SUPT3H: variants seen among roughly 807,000 people sequenced by gnomAD.
SUPT3H encodes transcription initiation protein SPT3 homolog.
A neutral mutation model predicts 44.3 loss-of-function variants in SUPT3H; 44 were observed. The ratio of observed to expected loss-of-function variants is 0.99; its 90% CI spans 0.78 to 1.28. SUPT3H has a LOEUF of 1.28. SUPT3H is among the 50% of genes most tolerant of loss of function. The pLI, the probability that SUPT3H is intolerant of heterozygous loss-of-function variation, is 0.00. For missense variants in SUPT3H, 380 were observed against 387.1 expected, an observed-to-expected ratio of 0.98 and a Z score of 0.15; for synonymous variants, 124 against 125.6, an observed-to-expected ratio of 0.99 and a Z score of 0.09.
chr6:45,082,964 C>T (rs1796004771), intron 3 of SUPT3H, among the ~76,000 whole-genome samples: 1 of 152,002 alleles, frequency 6.6e-6, no homozygotes, highest in South Asian at 2.1e-4. Context: ...ATCAGTAGCA[C>T]TTCCATACAT....
At chr6:45,135,914 G>T (rs1410558434) in intron 2 of SUPT3H, among the ~76,000 whole-genome samples, 1 of 152,050 alleles carries the variant, frequency 6.6e-6, no homozygotes, top group Non-Finnish European at 1.5e-5. Context: ...ATCCATATGG[G>T]GATCAATGTG....
intron 2 of SUPT3H, among the ~76,000 whole-genome samples, chr6:45,198,865 T>A (rs958475497): frequency 6.6e-6 from 1 of 151,348 alleles, no homozygotes; most frequent in Non-Finnish European, 1.5e-5. Context: ...TATCTGTTAT[T>A]TTAAGCTTTG....
chr6:44,928,805 C>T (rs1248132848), intron 10 of SUPT3H, among the ~76,000 whole-genome samples: 1 of 138,666 alleles, frequency 7.2e-6, no homozygotes, highest in African/African-American at 2.7e-5. Flanking sequence ...ATGGCGTGAA[C>T]CTGGGAGGCG....
intron 10 of SUPT3H, among the ~76,000 whole-genome samples, chr6:44,833,389 TAGAC>T (rs1294732791): frequency 3.3e-5 from 5 of 152,162 alleles, no homozygotes; most frequent in Non-Finnish European, 7.4e-5. Flanking sequence ...CTAAGATAAA[TAGAC>T]AGTCCCTGGC....
At chr6:45,008,241 C>T (rs1039895181) in intron 5 of SUPT3H, among the ~76,000 whole-genome samples, 2 of 152,092 alleles carry the variant, frequency 1.3e-5, no homozygotes, top group African/African-American at 2.4e-5. Context: ...TATGTTTACC[C>T]TTTTGAGGAA....
intron 2 of SUPT3H, among the ~76,000 whole-genome samples, chr6:45,265,058 T>C (rs1186430438): frequency 6.6e-6 from 1 of 152,118 alleles, no homozygotes; most frequent in Non-Finnish European, 1.5e-5. Flanking sequence ...GAATTTTCCT[T>C]GATATACACA....
At chr6:45,216,655 T>C (rs185459678) in intron 2 of SUPT3H, among the ~76,000 whole-genome samples, 281 of 152,330 alleles carry the variant, frequency 1.8e-3, no homozygotes, top group African/African-American at 6.6e-3. Context: ...AGTAGCTATA[T>C]TTATATCAGC....
intron 2 of SUPT3H, among the ~76,000 whole-genome samples, chr6:45,306,617 C>T (rs1375285689): frequency 3.3e-5 from 5 of 152,298 alleles, no homozygotes; most frequent in South Asian, 4.1e-4. Flanking sequence ...CCATGAAAAA[C>T]CAAGGAGACA....
chr6:45,365,324 G>C (rs750806672), intron 1 of SUPT3H, 23 bp from the exon 2 acceptor site: 2 of 1,538,456 alleles, frequency 1.3e-6, no homozygotes, highest in East Asian at 4.5e-5. Flanking sequence ...GAGAAATAAA[G>C]CTTACAAAAT....
In SUPT3H at chr6:45,006,832, G is replaced by A. The variant is rs536992195; in HGVS notation, c.365-3040C>T. On this transcript the variant is annotated intron_variant, in intron 5 of 10. Coordinates refer to ENST00000371459, the MANE Select transcript of SUPT3H (RefSeq NM_003599.4). ...TCACCAGTATTTTAAGAAATTTAGC[G>A]CTTATATTGCATGTTCTCACATATT... Among the ~76,000 whole-genome samples the A allele has an allele frequency of 9.9e-5, 15 of 152,140 alleles. No individual in the cohort carries two copies. In the South Asian group the frequency reaches 1.0e-3, roughly 11 times the overall value.
At chr6:44,996,715 T>C (rs998077808) in intron 6 of SUPT3H, among the ~76,000 whole-genome samples, 6 of 151,904 alleles carry the variant, frequency 3.9e-5, no homozygotes, top group Non-Finnish European at 5.9e-5. Flanking sequence ...GAACAGCATT[T>C]CTCAAAAGCT....
chr6:45,015,797 G>A (rs9369528), intron 4 of SUPT3H, among the ~76,000 whole-genome samples: 124,381 of 144,630 alleles, frequency 0.86, 52,250 homozygotes, highest in African/African-American at 0.92. Flanking sequence ...ACACGCGCGC[G>A]CACACACACA....
chr6:45,280,556 A>C (rs937922306), intron 2 of SUPT3H, among the ~76,000 whole-genome samples: 1 of 152,184 alleles, frequency 6.6e-6, no homozygotes. Context: ...CAATCAGCTT[A>C]TCATTAAAAA....
intron 3 of SUPT3H, among the ~76,000 whole-genome samples, chr6:45,091,223 A>C (rs1797082515): frequency 6.6e-6 from 1 of 152,002 alleles, no homozygotes; most frequent in Non-Finnish European, 1.5e-5. Flanking sequence ...CCAAACTTCA[A>C]ATATGATAAA....
At chr6:44,987,971 C>T (rs190326723) in intron 6 of SUPT3H, among the ~76,000 whole-genome samples, 227 of 152,080 alleles carry the variant, frequency 1.5e-3, no homozygotes, top group African/African-American at 5.1e-3. Context: ...TGCTGGGCAG[C>T]GCCAAGGGTA....
At chr6:45,019,580 G>A (rs1290221159) in intron 4 of SUPT3H, among the ~76,000 whole-genome samples, 1 of 151,902 alleles carries the variant, frequency 6.6e-6, no homozygotes, top group Non-Finnish European at 1.5e-5. Context: ...ATTATCACTC[G>A]TTCTTGACCT....
At chr6:45,032,356 C>G (rs1207959758) in intron 3 of SUPT3H, among the ~76,000 whole-genome samples, 1 of 152,206 alleles carries the variant, frequency 6.6e-6, no homozygotes, top group African/African-American at 2.4e-5. Context: ...TTTTATTACA[C>G]TTACAGATCA....
intron 11 of SUPT3H, among the ~76,000 whole-genome samples, chr6:44,810,950 G>A (rs189919939): frequency 1.3e-5 from 2 of 152,040 alleles, no homozygotes; most frequent in African/African-American, 4.8e-5. Context: ...TACATTTACT[G>A]AATTGTGAAG....
intron 6 of SUPT3H, among the ~76,000 whole-genome samples, chr6:44,967,358 C>A (rs979935954): frequency 6.6e-6 from 1 of 152,200 alleles, no homozygotes; most frequent in Non-Finnish European, 1.5e-5. Context: ...CTGCGTCCTA[C>A]TTAAATGAAA....
Sources: allele counts gnomAD v4.1 joint callset (sites outside exome capture counted in the v4.1 genomes callset), GRCh38; gene constraint gnomAD v4.1.1; transcripts MANE v1.5; gene names NCBI Gene and HGNC (gene_info 2026-07-23, HGNC 2026-07-21).